The following ODAD2 variants were observed in gnomAD, a reference collection of about 807,000 sequenced individuals.
ODAD2 encodes outer dynein arm docking complex subunit 2.
In ODAD2, 89 loss-of-function variants were observed where a neutral mutation model predicts 106.8. The observed-to-expected ratio is 0.83, with a 90% CI of 0.70 to 0.99. ODAD2 has a LOEUF of 0.99. Ranked by LOEUF, ODAD2 falls within the 50% of genes least tolerant of loss-of-function variation. The pLI is 0.00. For missense variants in ODAD2, 1,168 were observed against 1,238.5 expected, an observed-to-expected ratio of 0.94 and a Z score of 0.85; for synonymous variants, 404 against 436.2, an observed-to-expected ratio of 0.93 and a Z score of 0.92.
chr10:27,829,176 G>T (rs72631845), intron 19 of ODAD2, among the ~76,000 whole-genome samples: 4,015 of 152,158 alleles, frequency 0.026, 295 homozygotes, highest in East Asian at 0.22. Context: ...TTGGTTCAGC[G>T]TTCAAAAGCA....
chr10:27,892,588 T>G (rs922851391), intron 17 of ODAD2, among the ~76,000 whole-genome samples: 14 of 152,232 alleles, frequency 9.2e-5, no homozygotes, highest in African/African-American at 3.4e-4. Flanking sequence ...ATTACATACT[T>G]GCTTTCTCCA....
At chr10:27,994,417 T>A (rs1395191529) in intron 2 of ODAD2, among the ~76,000 whole-genome samples, 1 of 152,000 alleles carries the variant, frequency 6.6e-6, no homozygotes, top group Non-Finnish European at 1.5e-5. Context: ...CCCCATACAT[T>A]TATAGAAATA....
chr10:27,969,798 A>C (rs1395341664), intron 8 of ODAD2, among the ~76,000 whole-genome samples: 2 of 152,148 alleles, frequency 1.3e-5, no homozygotes, highest in African/African-American at 4.8e-5. Flanking sequence ...GCAACTTGTA[A>C]ACTATTTGTT....
At chr10:27,899,446 G>A (rs1353623950) in intron 17 of ODAD2, among the ~76,000 whole-genome samples, 3 of 151,976 alleles carry the variant, frequency 2.0e-5, no homozygotes, top group Admixed American at 6.6e-5. Flanking sequence ...AGTGGTGCCC[G>A]GAATGCCAGC....
chr10:27,888,550 AATCTAGAT>A (rs1267661358), intron 17 of ODAD2, among the ~76,000 whole-genome samples: 30 of 152,124 alleles, frequency 2.0e-4, no homozygotes, highest in African/African-American at 6.8e-4. Flanking sequence ...TTCCTTGTAG[AATCTAGAT>A]ATTAGTCCCT....
intron 19 of ODAD2, among the ~76,000 whole-genome samples, chr10:27,840,760 T>A (rs1417676604): frequency 1.3e-5 from 2 of 152,188 alleles, no homozygotes; most frequent in African/African-American, 2.4e-5. Context: ...TGCTAAAGGC[T>A]TTGGAGCTCA....
chr10:27,934,262 G>A (rs1845808785), intron 16 of ODAD2, among the ~76,000 whole-genome samples: 1 of 151,830 alleles, frequency 6.6e-6, no homozygotes, highest in Non-Finnish European at 1.5e-5. Context: ...GCATGAAAAT[G>A]GACTAATACG....
chr10:27,826,556 C>T (rs955967644), intron 19 of ODAD2, among the ~76,000 whole-genome samples: 2 of 152,036 alleles, frequency 1.3e-5, no homozygotes, highest in African/African-American at 4.8e-5. Flanking sequence ...GGGAAGTGGC[C>T]CAACTCACTG....
chr10:27,983,897 G>T lies in ODAD2; in HGVS notation c.765C>A (p.His255Gln), dbSNP rs147124402. The T allele has an allele frequency of 6.2e-7, 1 of 1,611,978 alleles. No individual in the cohort carries two copies. Among genetic ancestry groups the T allele is most frequent in the Non-Finnish European group, 8.5e-7 (1 of 1,179,548 alleles). Residue 255 changes from histidine (H) to glutamine (Q), a missense_variant, in exon 6 of 20, where the codon CAC becomes CAA. Transcript: ENST00000305242. ...GEICYVLVKP[H>Q]DGETLCITCS... ...AAGTAATGCACAGAGTCTCACCATC[G>T]TGAGGTTTCACCAGCACATAACAAA...
chr10:27,981,315 G>A, intron 7 of ODAD2, 151 bp downstream of exon 7: 3 of 582,934 alleles, frequency 5.1e-6, no homozygotes, highest in South Asian at 3.2e-5. Context: ...TACATTTACA[G>A]TATTTTTATG....
chr10:27,928,114 G>C (rs996380648), intron 16 of ODAD2, among the ~76,000 whole-genome samples: 4 of 152,028 alleles, frequency 2.6e-5, no homozygotes, highest in Admixed American at 2.6e-4. Flanking sequence ...CCCTGATCAT[G>C]GTCCTGGGTT....
At chr10:27,922,949 C>CA (rs966057889) in intron 16 of ODAD2, among the ~76,000 whole-genome samples, 13 of 149,592 alleles carry the variant, frequency 8.7e-5, no homozygotes, top group South Asian at 6.3e-4. Flanking sequence ...AAACAAAAAA[C>CA]AAAAAAAACT....
At position 27,828,992 on chromosome 10, in the gene ODAD2, C is replaced by T. The variant is rs571005591; in HGVS notation, c.3022-16367G>A. ...AATGGGCACATTATTAGAAGAAATT[C>T]GAAACCAAAGACAAGCCAATATTTA... On this transcript the variant is annotated intron_variant, in intron 19 of 19. Coordinates refer to ENST00000305242, the MANE Select transcript of ODAD2 (RefSeq NM_018076.5). Among the ~76,000 whole-genome samples the T allele has an allele frequency of 1.5e-3, 232 of 151,860 alleles. 3 individuals are homozygous for T. The highest frequency in any genetic ancestry group is 5.2e-3 in the African/African-American group (216 of 41,406).
chr10:27,877,228 C>A (rs995414619), intron 17 of ODAD2, among the ~76,000 whole-genome samples: 2 of 152,160 alleles, frequency 1.3e-5, no homozygotes, highest in Non-Finnish European at 1.5e-5. Context: ...GACCTCACAG[C>A]GACTAATGAC....
chr10:27,835,534 A>G (rs1837808886), intron 19 of ODAD2, among the ~76,000 whole-genome samples: 1 of 152,178 alleles, frequency 6.6e-6, no homozygotes, highest in South Asian at 2.1e-4. Context: ...CATACAGTCA[A>G]AAACCCACAT....
chr10:27,977,400 T>TAAAA (rs35313855), intron 7 of ODAD2, among the ~76,000 whole-genome samples: 1 of 135,838 alleles, frequency 7.4e-6, no homozygotes, highest in Admixed American at 7.4e-5. Flanking sequence ...CCATTTCTGC[T>TAAAA]AAAAAAAAAA....
intron 19 of ODAD2, among the ~76,000 whole-genome samples, chr10:27,821,640 C>T (rs960763815): frequency 2.6e-5 from 4 of 152,084 alleles, no homozygotes; most frequent in African/African-American, 7.2e-5. Context: ...CACTAACACA[C>T]GGAGCAAGGT....
At position 27,824,004 on chromosome 10, in the gene ODAD2, G is replaced by A. The variant is rs1226250204; in HGVS notation, c.3022-11379C>T. On this transcript the variant is annotated intron_variant, in intron 19 of 19. Transcript: ENST00000305242. Reference sequence around the variant, plus strand: ...AAATACAAAAAATTAGCCGGGCGAGGTGGCGGGCGCCTGTAGTCCCAGCTA... The same window carrying A: ...AAATACAAAAAATTAGCCGGGCGAGATGGCGGGCGCCTGTAGTCCCAGCTA... Among the ~76,000 whole-genome samples, 4 of 138,176 alleles carry A rather than the reference G, an allele frequency of 2.9e-5. 1 individual carries two copies. Among genetic ancestry groups the A allele is most frequent in the Non-Finnish European group, 6.0e-5 (4 of 66,768 alleles). 90.6% of individuals were successfully genotyped at this position (138,176 alleles called of 152,430 possible).
chr10:27,929,530 CT>C (rs1246733185), intron 16 of ODAD2, among the ~76,000 whole-genome samples: 2 of 152,100 alleles, frequency 1.3e-5, no homozygotes. Flanking sequence ...CCACTGGTAT[CT>C]TTTAGCCATA....
Sources: gnomAD v4.1 joint callset for allele counts (sites outside exome capture counted in the v4.1 genomes callset) on GRCh38, gnomAD v4.1.1 for gene constraint, MANE v1.5 for transcripts, NCBI Gene and HGNC (gene_info 2026-07-23, HGNC 2026-07-21) for gene names.